LRRC73: variants seen among roughly 807,000 people sequenced by gnomAD.
The protein encoded by LRRC73 is leucine rich repeat containing 73.
In LRRC73, 16 loss-of-function variants were observed where a neutral mutation model predicts 26.4. The ratio of observed to expected loss-of-function variants is 0.61; its 90% confidence interval spans 0.41 to 0.92. The LOEUF is 0.92. LRRC73 is among the 40% of genes least tolerant of loss of function. The probability of loss-of-function intolerance (pLI) is 0.00; values close to 1 mark genes in which losing one functional copy is unlikely to be tolerated. For missense variants in LRRC73, 344 were observed against 416.3 expected, an observed-to-expected ratio of 0.83 and a Z score of 1.51; for synonymous variants, 210 against 179.8, an observed-to-expected ratio of 1.17 and a Z score of -1.34.
exon 1 of LRRC73, chr6:43,509,626 C>T (rs1284063303): frequency 6.2e-7 from 1 of 1,603,510 alleles, no homozygotes; most frequent in Non-Finnish European, 8.5e-7. Context: ...GACGTGGCCC[C>T]GGCCAGGGCC....
exon 5 of LRRC73, chr6:43,507,538 C>T: frequency 6.2e-7 from 1 of 1,613,840 alleles, no homozygotes; most frequent in Non-Finnish European, 8.5e-7. Context: ...TGTCGCCAGC[C>T]CCTCCTGCCA....
exon 1 of LRRC73, chr6:43,509,622 G>A: frequency 1.9e-6 from 3 of 1,604,122 alleles, no homozygotes; most frequent in Non-Finnish European, 2.5e-6. Context: ...CAGGGACGTG[G>A]CCCCGGCCAG....
rs763632955 is a variant in LRRC73 at position 43,507,862 on chromosome 6, G to A, written c.621C>T (p.Asp207=). 5 of 1,613,954 alleles carry A rather than the reference G, an allele frequency of 3.1e-6. 1 individual carries two copies. In the South Asian group the frequency reaches 5.5e-5, roughly 18 times the overall value. The change falls in exon 4 of 6, where the codon GAC becomes GAT. Residue 207 remains aspartate (D), a synonymous_variant. Coordinates refer to ENST00000372441, the Ensembl canonical transcript of LRRC73. ...GGTTGGTGAGCCCTGTGCCCTCCAA[G>A]TCTAGGACCTCTAGGGTACGACTAG...
chr6:43,507,464 C>G (rs755899318), exon 5 of LRRC73: 1 of 1,612,898 alleles, frequency 6.2e-7, no homozygotes, highest in South Asian at 1.1e-5. Flanking sequence ...ACCGCTGGGG[C>G]ACATCCAGGA....
exon 6 of LRRC73, chr6:43,507,119 GC>G: frequency 9.9e-7 from 1 of 1,010,190 alleles, no homozygotes; most frequent in South Asian, 1.5e-5. Flanking sequence ...AGCTGCCAGA[GC>G]CCCCATGCAG....
chr6:43,509,776 T>TG lies in LRRC73; in HGVS notation c.9dup (p.Ser4GlnfsTer61). ...GGCTCCCCCGAAATCTGGATGGAGC[T>TG]GGGCAGCATCGTGCCCACGGCTGGG... On this transcript the variant is annotated frameshift_variant, in exon 1 of 6. Transcript: ENST00000372441. LOFTEE classifies it high-confidence loss of function. 1.3e-6 allele frequency: 2 copies of TG among 1,552,196 alleles called. No homozygotes were observed. The highest frequency in any genetic ancestry group is 1.7e-6 in the Non-Finnish European group (2 of 1,158,696).
chr6:43,507,363 A>AGGTGAGATAGGT, intron 5 of LRRC73, 55 bp from the exon 6 acceptor site: 5 of 1,610,622 alleles, frequency 3.1e-6, no homozygotes, highest in Non-Finnish European at 4.2e-6. Flanking sequence ...AATGGGGACC[A>AGGTGAGATAGGT]CAGATAGGTG....
exon 6 of LRRC73, chr6:43,507,243 T>C (rs762503416): frequency 1.9e-6 from 3 of 1,613,834 alleles, no homozygotes; most frequent in Non-Finnish European, 2.5e-6. Flanking sequence ...GAGAGTCACA[T>C]CTCGGTCTCA....
exon 1 of LRRC73, chr6:43,509,759 C>G: frequency 1.9e-6 from 3 of 1,582,666 alleles, no homozygotes; most frequent in South Asian, 1.1e-5. Context: ...GCGGCTCCCC[C>G]GAAATCTGGA....
At chr6:43,509,097 C>A (rs1792590028) in intron 1 of LRRC73, among the ~76,000 whole-genome samples, 177 bp from the exon 2 acceptor site, 1 of 126,722 alleles carries the variant, frequency 7.9e-6, no homozygotes, top group Admixed American at 9.2e-5. Flanking sequence ...AGGGAGAATT[C>A]GGTTTGTTTT....
chr6:43,508,013 T>C (rs1272181775), intron 3 of LRRC73, 87 bp from the exon 4 acceptor site: 2 of 1,195,222 alleles, frequency 1.7e-6, no homozygotes, highest in Admixed American at 2.1e-5. Flanking sequence ...CAACTTTAGA[T>C]ACTAATCCCT....
intron 2 of LRRC73, 103 bp downstream of exon 2, chr6:43,508,657 C>T: frequency 1.4e-6 from 2 of 1,474,912 alleles, no homozygotes; most frequent in Non-Finnish European, 1.8e-6. Flanking sequence ...GAAAGATGTT[C>T]TCGCCCACAT....
chr6:43,507,793 C>T (rs1246413477), intron 4 of LRRC73, 33 bp downstream of exon 4: 3 of 1,607,908 alleles, frequency 1.9e-6, no homozygotes, highest in Non-Finnish European at 2.6e-6. Flanking sequence ...CCACCCCATC[C>T]CCTGGCCGTG....
At chr6:43,509,659 G>T in exon 1 of LRRC73, 1 of 1,596,566 alleles carries the variant, frequency 6.3e-7, no homozygotes. Flanking sequence ...CCAAAGTCGC[G>T]GTCGCAGAGG....
At chr6:43,507,908 A>G in exon 4 of LRRC73, 2 of 1,613,914 alleles carry the variant, frequency 1.2e-6, no homozygotes, top group Non-Finnish European at 1.7e-6. Flanking sequence ...TACAGCCAGC[A>G]TTCCTGCCAC....
At chr6:43,509,781 A>C in exon 1 of LRRC73, 1 of 1,543,256 alleles carries the variant, frequency 6.5e-7, no homozygotes, top group Non-Finnish European at 8.7e-7. Flanking sequence ...GGAGCTGGGC[A>C]GCATCGTGCC....
intron 4 of LRRC73, 26 bp from the exon 5 acceptor site, chr6:43,507,704 G>C: frequency 6.2e-7 from 1 of 1,610,414 alleles, no homozygotes; most frequent in Non-Finnish European, 8.5e-7. Context: ...ATATGGAAAA[G>C]GATGAACACA....
At chr6:43,509,030 C>G (rs971935495) in intron 1 of LRRC73, 110 bp from the exon 2 acceptor site, 9 of 1,107,448 alleles carry the variant, frequency 8.1e-6, no homozygotes, top group African/African-American at 1.6e-5. Flanking sequence ...AGTCACAGCG[C>G]TTGAGAGGCC....
At chr6:43,508,318 T>A in exon 3 of LRRC73, 1 of 1,613,086 alleles carries the variant, frequency 6.2e-7, no homozygotes, top group Non-Finnish European at 8.5e-7. Flanking sequence ...GTAATCCAGA[T>A]TGAGGACGCG....
Sources: gnomAD v4.1 joint callset for allele counts (sites outside exome capture counted in the v4.1 genomes callset) on GRCh38, gnomAD v4.1.1 for gene constraint, MANE v1.5 for transcripts, NCBI Gene and HGNC (gene_info 2026-07-23, HGNC 2026-07-21) for gene names.